Variants in RBM12 observed in about 807,000 individuals in gnomAD.
RBM12 encodes the protein RNA binding motif protein 12.
In RBM12, 24 loss-of-function variants were observed where a neutral mutation model predicts 37.2. The observed-to-expected ratio is 0.65, with a 90% CI of 0.47 to 0.91. The LOEUF is 0.91. Among genes scored for constraint, RBM12 ranks in the 40% least tolerant of loss-of-function variants. The pLI is 0.00. For synonymous variants in RBM12, 420 were observed against 425.2 expected (o/e 0.99, Z 0.15); for missense variants, 1,061 against 1,183.2 (o/e 0.90, Z 1.52).
At chr20:35,658,788 A>C (rs979451350) in intron 2 of RBM12, 142 bp downstream of exon 2, 40 of 561,048 alleles carry the variant, frequency 7.1e-5, no homozygotes, top group Non-Finnish European at 1.1e-4. Flanking sequence ...CAAAACAAAA[A>C]ACAAGCAAAC....
intron 1 of RBM12, among the ~76,000 whole-genome samples, chr20:35,661,526 G>A (rs1601498307): frequency 1.3e-5 from 2 of 152,192 alleles, no homozygotes; most frequent in East Asian, 3.8e-4. Context: ...TACTTCAGAA[G>A]ATCTAAAACA....
rs2034453721 is a variant in RBM12, at chr20:35,664,786, C to T, written c.-134G>A. 1 of 152,442 alleles carries T rather than the reference C, an allele frequency of 6.6e-6. No homozygotes were observed. Among genetic ancestry groups the T allele is most frequent in the African/African-American group, 2.4e-5 (1 of 41,462 alleles). The allele number at this position is 152,442 out of a possible 1,614,324, so 9.4% of individuals were successfully genotyped here. ...GGGGAAAGCTGCGCGGCACCAGAAC[C>T]CAGACCCCGAATTACCCCCCGCGCG... On this transcript the variant is annotated 5_prime_UTR_variant, in exon 1 of 3. Coordinates refer to ENST00000374114, the MANE Select transcript of RBM12 (RefSeq NM_006047.6).
rs746594206 is a variant in RBM12, at chr20:35,654,479, G to C, written c.844C>G (p.Pro282Ala). The C allele has an allele frequency of 1.4e-5, 23 of 1,614,066 alleles. No homozygotes were observed. Among genetic ancestry groups the C allele is most frequent in the Non-Finnish European group, 1.9e-5 (23 of 1,180,040 alleles). The change falls in exon 3 of 3, where the codon CCT becomes GCT. Residue 282 changes from proline to alanine, a missense_variant. Pro to Ala is a conservative substitution (Grantham distance 27, BLOSUM62 -1). This residue lies in a region of RBM12 where 540 missense variants were observed against 632.7 expected (regional missense o/e 0.85). Transcript: ENST00000374114. ...LNPMFLGPLN[P>A]VNPIQMNSQS... Reference sequence around the variant, plus strand: ...GAGTTCATCTGGATAGGGTTAACAGGATTCAACGGACCAAGAAACATAGGA... The same window carrying C: ...GAGTTCATCTGGATAGGGTTAACAGCATTCAACGGACCAAGAAACATAGGA...
At position 35,651,741 on chromosome 20, in the gene RBM12, C is replaced by G. The variant is rs1040694; in HGVS notation, c.*783G>C. The G allele has an allele frequency of 6.6e-6, 1 of 152,590 alleles. No homozygotes were observed. Among genetic ancestry groups the G allele is most frequent in the South Asian group, 2.1e-4 (1 of 4,830 alleles). 9.5% of individuals were successfully genotyped at this position (152,590 alleles called of 1,614,324 possible). ...AATTTTTAAACTGACTAACCTAAAT[C>G]GTGGCGGTCAAACCAAAAAGGCTCT... is the stretch of plus-strand genomic sequence containing the variant. On this transcript the variant is annotated 3_prime_UTR_variant, in exon 3 of 3. Transcript: ENST00000374114.
At position 35,651,155 on chromosome 20, in the gene RBM12, C is replaced by A. The variant is rs2033485667; in HGVS notation, c.*1369G>T. On this transcript the variant is annotated 3_prime_UTR_variant, in exon 3 of 3. Transcript: ENST00000374114. The stretch of plus-strand genomic sequence containing the variant: ...GTTTTTCATATCATCTCACCTATCT[C>A]CCCTTCCGTATTGTTTATAATATAA... 1 of 152,166 alleles carries A rather than the reference C, an allele frequency of 6.6e-6. No homozygotes were observed. Among genetic ancestry groups the A allele is most frequent in the Non-Finnish European group, 1.5e-5 (1 of 68,026 alleles). The allele number at this position is 152,166 out of a possible 1,614,324, so 9.4% of individuals were successfully genotyped here.
In RBM12 at chr20:35,653,019, A is replaced by T; in HGVS notation, c.2304T>A (p.Asp768Glu). 1.2e-6 allele frequency: 2 copies of T among 1,613,858 alleles called. No homozygotes were observed. The highest frequency in any genetic ancestry group is 2.2e-5 in the East Asian group (1 of 44,888). ...TTGGTCCACCTCCAAAACCCGGAAC[A>T]TCCAGTCCTAGACCAGGCAAACCAC... ...GNSGLPGLGL[D>E]VPGFGGGPNN... The change falls in exon 3 of 3, where the codon GAT becomes GAA. Residue 768 changes from aspartate (D) to glutamate (E), a missense_variant. Physicochemically the swap from Asp to Glu is conservative, Grantham distance 45. Transcript: ENST00000374114.
Position 35,654,786 on chromosome 20 carries a change from G to A in RBM12, c.537C>T (p.Ala179=), listed in dbSNP as rs148204642. 6.5e-5 allele frequency: 105 copies of A among 1,613,992 alleles called. No individual in the cohort carries two copies. The African/African-American group carries it at 1.2e-3, about 19-fold the overall frequency. ...PTFSSTVPST[A]SPMNTVPPPP... Reference sequence around the variant, plus strand: ...GCGGCGGGACTGTGTTCATTGGAGAGGCTGTGCTTGGAACAGTTGAGCTAA... The same window carrying A: ...GCGGCGGGACTGTGTTCATTGGAGAAGCTGTGCTTGGAACAGTTGAGCTAA... Residue 179 remains alanine, a synonymous_variant, in exon 3 of 3, where the codon GCC becomes GCT. Transcript: ENST00000374114.
rs2033719391 is a variant in RBM12, at chr20:35,653,924, T to G, written c.1399A>C (p.Asn467His). Reference sequence around the variant, plus strand: ...AAGCCTTCGCCAGTTGCTTTCCCATTGGGTCCATAAGCTATATAAATACTA... The same window carrying G: ...AAGCCTTCGCCAGTTGCTTTCCCATGGGGTCCATAAGCTATATAAATACTA... Reference protein sequence around the residue: ...EDSIYIAYGPNGKATGEGFVE... With the variant: ...EDSIYIAYGPHGKATGEGFVE... The change falls in exon 3 of 3, where the codon AAT becomes CAT. Residue 467 changes from asparagine to histidine, a missense_variant. This residue lies in a region of RBM12 where 540 missense variants were observed against 632.7 expected (regional missense o/e 0.85). Coordinates refer to ENST00000374114, the MANE Select transcript of RBM12 (RefSeq NM_006047.6). The G allele has an allele frequency of 6.2e-7, 1 of 1,614,060 alleles. No individual in the cohort carries two copies. The highest frequency in any genetic ancestry group is 8.5e-7 in the Non-Finnish European group (1 of 1,180,036).
At chr20:35,657,988 G>C (rs1447750825) in intron 2 of RBM12, among the ~76,000 whole-genome samples, 1 of 152,006 alleles carries the variant, frequency 6.6e-6, no homozygotes, top group African/African-American at 2.4e-5. Context: ...CTTGAACCCG[G>C]GAGGCAGAGA....
intron 1 of RBM12, among the ~76,000 whole-genome samples, chr20:35,662,660 G>A (rs919824054): frequency 6.6e-6 from 1 of 152,138 alleles, no homozygotes; most frequent in Non-Finnish European, 1.5e-5. Flanking sequence ...TGACAGAATG[G>A]CTCTCTGCAA....
rs17092928 is a variant in RBM12, at chr20:35,653,608, T to C, written c.1715A>G (p.Asn572Ser). The change falls in exon 3 of 3, where the codon AAT becomes AGT. Residue 572 changes from asparagine to serine, a missense_variant. Asn to Ser is a conservative substitution (Grantham distance 46). Around this residue, in one of 3 missense-constraint regions of RBM12, gnomAD observed 517 missense variants for 534.0 expected, o/e 0.97. Transcript: ENST00000374114. ...QFLEGIPVDE[N>S]AVHVLVDNNG... ...GTTATCAACAAGAACATGTACAGCA[T>C]TTTCATCCACTGGGATTCCTTCTAG... 6,711 of 1,614,156 alleles carry C rather than the reference T, an allele frequency of 4.2e-3. 228 individuals are homozygous for C. In the African/African-American group the frequency reaches 0.076, roughly 18 times the overall value.
At position 35,652,387 on chromosome 20, in the gene RBM12, T is replaced by C; in HGVS notation, c.*137A>G. The C allele has an allele frequency of 2.1e-6, 2 of 968,958 alleles. No individual in the cohort carries two copies. The highest frequency in any genetic ancestry group is 3.0e-6 in the Non-Finnish European group (2 of 656,086). The allele number at this position is 968,958 out of a possible 1,614,324, so 60.0% of individuals were successfully genotyped here. On this transcript the variant is annotated 3_prime_UTR_variant, in exon 3 of 3. Transcript: ENST00000374114. The stretch of plus-strand genomic sequence containing the variant: ...GAGTCTTCTGTAAACAGTCAACCAA[T>C]GCTCTATGTTATGGAAACCAAGCTA...
rs1194855986 is a variant in RBM12 at position 35,650,169 on chromosome 20, TAC to T, written c.*2353_*2354del. 6.6e-6 allele frequency: 1 copy of T among 152,608 alleles called. No individual in the cohort carries two copies. The highest frequency in any genetic ancestry group is 1.5e-5 in the Non-Finnish European group (1 of 68,008). The allele number at this position is 152,608 out of a possible 1,614,324, so 9.5% of individuals were successfully genotyped here. A position where few individuals can be genotyped will look rare whatever the true frequency, so the allele number is the denominator to read the frequency against. On this transcript the variant is annotated 3_prime_UTR_variant, in exon 3 of 3. Coordinates refer to ENST00000374114, the MANE Select transcript of RBM12 (RefSeq NM_006047.6). The stretch of plus-strand genomic sequence containing the variant: ...AGTTCCAGAGGGCAAAGCATTTAAT[TAC>T]AGTCCACAACGAGCACTGTTGTGAT...
chr20:35,662,032 T>C (rs1222996864), intron 1 of RBM12, among the ~76,000 whole-genome samples: 1 of 152,224 alleles, frequency 6.6e-6, no homozygotes, highest in Admixed American at 6.5e-5. Context: ...CACTTGATTT[T>C]GTTCCCCATT....
chr20:35,653,043 ACT>A lies in RBM12; in HGVS notation c.2278_2279del (p.Ser760TrpfsTer38). 6.2e-7 allele frequency: 1 copy of A among 1,613,856 alleles called. No individual in the cohort carries two copies. The highest frequency in any genetic ancestry group is 8.5e-7 in the Non-Finnish European group (1 of 1,180,036). On this transcript the variant is annotated frameshift_variant, in exon 3 of 3. Coordinates refer to ENST00000374114, the MANE Select transcript of RBM12 (RefSeq NM_006047.6). LOFTEE classifies it high-confidence loss of function. ...CATCCAGTCCTAGACCAGGCAAACC[ACT>A]GTTTCCAACTGAAGGCATACCAGGC... ...ARPGMPSVGN[S>X]GLPGLGLDVP...
At position 35,651,783 on chromosome 20, in the gene RBM12, C is replaced by T. The variant is rs1368720967; in HGVS notation, c.*741G>A. On this transcript the variant is annotated 3_prime_UTR_variant, in exon 3 of 3. Coordinates refer to ENST00000374114, the MANE Select transcript of RBM12 (RefSeq NM_006047.6). ...AAAGGCTCTGGTAGATAAAGGACTC[C>T]ATAGTTTATTTTTATGGCAAAAGTC... The T allele has an allele frequency of 6.6e-6, 1 of 152,602 alleles. No individual in the cohort carries two copies. Among genetic ancestry groups the T allele is most frequent in the Non-Finnish European group, 1.5e-5 (1 of 68,028 alleles). 9.5% of individuals were successfully genotyped at this position (152,602 alleles called of 1,614,324 possible).
At chr20:35,658,293 T>C (rs1019311352) in intron 2 of RBM12, among the ~76,000 whole-genome samples, 3 of 152,092 alleles carry the variant, frequency 2.0e-5, no homozygotes, top group African/African-American at 7.2e-5. Context: ...AATAAACATA[T>C]CAATAACAAG....
Position 35,651,235 on chromosome 20 carries a change from G to C in RBM12, c.*1289C>G, listed in dbSNP as rs1014767121. The C allele has an allele frequency of 6.6e-6, 1 of 152,270 alleles. No homozygotes were observed. Among genetic ancestry groups the C allele is most frequent in the African/African-American group, 2.4e-5 (1 of 41,546 alleles). The allele number at this position is 152,270 out of a possible 1,614,324, so 9.4% of individuals were successfully genotyped here. A position where few individuals can be genotyped will look rare whatever the true frequency, so the allele number is the denominator to read the frequency against. On this transcript the variant is annotated 3_prime_UTR_variant, in exon 3 of 3. Coordinates refer to ENST00000374114, the MANE Select transcript of RBM12 (RefSeq NM_006047.6). ...GAAATCATAATTAGAGCCTTGTAAG[G>C]CAAGTGTTTTCATGACAAGGACACT...
rs1032316694 is a variant in RBM12 at position 35,649,825 on chromosome 20, T to G, written c.*2699A>C. ...AATGGAAAATATTCTCTTCCATTAA[T>G]GTCAGAGTCACCAAAAACAGACAAT... On this transcript the variant is annotated 3_prime_UTR_variant, in exon 3 of 3. Transcript: ENST00000374114. The G allele has an allele frequency of 2.0e-5, 3 of 152,112 alleles. No individual in the cohort carries two copies. The highest frequency in any genetic ancestry group is 4.4e-5 in the Non-Finnish European group (3 of 67,978). The allele number at this position is 152,112 out of a possible 1,614,324, so 9.4% of individuals were successfully genotyped here.
Sources: gnomAD v4.1 joint callset for allele counts (sites outside exome capture counted in the v4.1 genomes callset) on GRCh38, gnomAD v4.1.1 for gene constraint, gnomAD v4.1.1 regional missense constraint, MANE v1.5 for transcripts, NCBI Gene and HGNC (gene_info 2026-07-23, HGNC 2026-07-21) for gene names.